KLHL24: variants seen among roughly 807,000 people sequenced by gnomAD.
The protein encoded by KLHL24 is kelch-like protein 24.
In KLHL24, 29 loss-of-function variants were observed where a neutral mutation model predicts 53.4. The observed-to-expected ratio is 0.54, with a 90% CI of 0.40 to 0.74. The LOEUF is 0.74. Among genes scored for constraint, KLHL24 ranks in the 30% least tolerant of loss-of-function variants. KLHL24 has a pLI of 0.00. For synonymous variants in KLHL24, 222 were observed against 253.7 expected (o/e 0.88, Z 1.19); for missense variants, 504 against 744.0 (o/e 0.68, Z 3.75).
intron 2 of KLHL24, among the ~76,000 whole-genome samples, chr3:183,645,264 C>A (rs1242221807): frequency 6.6e-6 from 1 of 152,140 alleles, no homozygotes; most frequent in Non-Finnish European, 1.5e-5. Flanking sequence ...GTTTCACCAA[C>A]AACAAAAAAT....
In KLHL24 at chr3:183,684,473, C is replaced by T. The variant is rs1339314970; in HGVS notation, c.*5187C>T. 2 of 152,298 alleles carry T rather than the reference C, an allele frequency of 1.3e-5. No homozygotes were observed. Among genetic ancestry groups the T allele is most frequent in the Non-Finnish European group, 2.9e-5 (2 of 67,974 alleles). The allele number at this position is 152,298 out of a possible 1,614,324, so 9.4% of individuals were successfully genotyped here. ...TGTATCTAATAAAATGTCTTTTAAC[C>T]ATTATTACTTGACTATATGGTTGTA... On this transcript the variant is annotated 3_prime_UTR_variant, in exon 8 of 8. Transcript: ENST00000242810.
rs1235360459 is a variant in KLHL24, at chr3:183,671,107, G to A, written c.1298G>A (p.Arg433Gln). ...GAATGTTATGATTCCTTTTCAAATC[G>A]ATGGACTGAAGTTGCTCCCCTTAAG... ...SVECYDSFSNRWTEVAPLKEA... is the reference protein window; with the variant it reads ...SVECYDSFSNQWTEVAPLKEA... The change falls in exon 6 of 8, where the codon CGA (arginine) becomes CAA (glutamine). Residue 433 changes from arginine to glutamine, a missense_variant. Physicochemically the swap from Arg to Gln is conservative, Grantham distance 43. Transcript: ENST00000242810. The A allele has an allele frequency of 2.5e-6, 4 of 1,613,998 alleles. No individual in the cohort carries two copies. Among genetic ancestry groups the A allele is most frequent in the Non-Finnish European group, 3.4e-6 (4 of 1,179,966 alleles).
At chr3:183,661,549 A>G (rs1404678064) in intron 3 of KLHL24, among the ~76,000 whole-genome samples, 1 of 152,236 alleles carries the variant, frequency 6.6e-6, no homozygotes, top group Non-Finnish European at 1.5e-5. Flanking sequence ...TAATACAGGC[A>G]AAACTACTAG....
intron 3 of KLHL24, among the ~76,000 whole-genome samples, chr3:183,659,923 G>A (rs1719471127): frequency 6.6e-6 from 1 of 152,140 alleles, no homozygotes; most frequent in Non-Finnish European, 1.5e-5. Context: ...GCTAGGTTGA[G>A]CAGATGCCCA....
chr3:183,660,763 G>A (rs992424347), intron 3 of KLHL24, among the ~76,000 whole-genome samples: 1 of 152,012 alleles, frequency 6.6e-6, no homozygotes, highest in Non-Finnish European at 1.5e-5. Flanking sequence ...TCCTCACCAA[G>A]TTTAAAAGAT....
chr3:183,674,215 C>G (rs760073011), intron 7 of KLHL24, among the ~76,000 whole-genome samples: 8 of 151,692 alleles, frequency 5.3e-5, no homozygotes, highest in Non-Finnish European at 7.4e-5. Flanking sequence ...TCTCTAATAG[C>G]TTGTCTTGCT....
chr3:183,660,486 G>C (rs1262654795), intron 3 of KLHL24, among the ~76,000 whole-genome samples: 1 of 151,908 alleles, frequency 6.6e-6, no homozygotes, highest in African/African-American at 2.4e-5. Flanking sequence ...TTAGTATATG[G>C]TGTCTTTCCA....
At chr3:183,655,493 G>A (rs1188690689) in intron 3 of KLHL24, among the ~76,000 whole-genome samples, 1 of 152,160 alleles carries the variant, frequency 6.6e-6, no homozygotes, top group East Asian at 1.9e-4. Flanking sequence ...GCTAGGCATT[G>A]TAGCATGTAC....
Position 183,684,108 on chromosome 3 carries a change from GT to G in KLHL24, c.*4823del, listed in dbSNP as rs1712956766. On this transcript the variant is annotated 3_prime_UTR_variant, in exon 8 of 8. Transcript: ENST00000242810. ...ATACTTATTTTTGTTCCATACTTAT[GT>G]ACAATTTTTTCCCTCTTCAGGCTTT... The G allele has an allele frequency of 2.6e-5, 4 of 151,084 alleles. No homozygotes were observed. The highest frequency in any genetic ancestry group is 5.9e-5 in the Non-Finnish European group (4 of 67,942). The allele number at this position is 151,084 out of a possible 1,614,324, so 9.4% of individuals were successfully genotyped here. A position where few individuals can be genotyped will look rare whatever the true frequency, so the allele number is the denominator to read the frequency against.
intron 1 of KLHL24, among the ~76,000 whole-genome samples, chr3:183,641,971 C>T (rs1354219591): frequency 2.0e-5 from 3 of 152,138 alleles, no homozygotes; most frequent in African/African-American, 4.8e-5. Context: ...ATGCTTTCTA[C>T]CCCATAAGGT....
rs185941624 is a variant in KLHL24, at chr3:183,664,707, T to A, written c.1106-214T>A. ...ATTATTTTGGATCTATAATTATCAC[T>A]TATCAAGATAACAATTGGTAAAGTT... On this transcript the variant is annotated intron_variant, in intron 4 of 7. Coordinates refer to ENST00000242810, the MANE Select transcript of KLHL24 (RefSeq NM_017644.3). 5.0e-3 allele frequency among the ~76,000 whole-genome samples: 762 copies of A among 152,324 alleles called. 23 individuals carry two copies. Among genetic ancestry groups the A allele is most frequent in the Non-Finnish European group, 1.3e-3 (90 of 68,036 alleles).
chr3:183,636,851 C>T (rs1209991745), intron 1 of KLHL24, among the ~76,000 whole-genome samples: 5 of 151,978 alleles, frequency 3.3e-5, no homozygotes, highest in Admixed American at 2.0e-4. Flanking sequence ...GCCCCTGCTG[C>T]GGGCGGCTGG....
At chr3:183,661,476 C>T (rs531796351) in intron 3 of KLHL24, among the ~76,000 whole-genome samples, 1 of 152,036 alleles carries the variant, frequency 6.6e-6, no homozygotes, top group Non-Finnish European at 1.5e-5. Flanking sequence ...GTTAACAGTC[C>T]GTGATGAGAA....
At chr3:183,639,499 G>C (rs1368651313) in intron 1 of KLHL24, among the ~76,000 whole-genome samples, 1 of 150,624 alleles carries the variant, frequency 6.6e-6, no homozygotes, top group Admixed American at 6.6e-5. Flanking sequence ...GCGTAGCGGC[G>C]GGCGCCTGTA....
chr3:183,645,831 C>T (rs916742354), intron 2 of KLHL24, among the ~76,000 whole-genome samples: 2 of 152,122 alleles, frequency 1.3e-5, no homozygotes, highest in African/African-American at 4.8e-5. Context: ...AACTAATTTT[C>T]CTAACTAAAT....
chr3:183,677,023 CTGAA>C (rs1176172013), intron 7 of KLHL24, among the ~76,000 whole-genome samples: 1 of 151,596 alleles, frequency 6.6e-6, no homozygotes, highest in Non-Finnish European at 1.5e-5. Flanking sequence ...GCCCTTACTC[CTGAA>C]TGAAGAGTAA....
chr3:183,641,489 A>AAAAG, intron 1 of KLHL24, among the ~76,000 whole-genome samples: 1 of 151,950 alleles, frequency 6.6e-6, no homozygotes, highest in African/African-American at 2.4e-5. Context: ...AAAAAAAAAA[A>AAAAG]AAAAAGATTT....
Position 183,656,782 on chromosome 3 carries a change from G to T in KLHL24, c.920+5506G>T, listed in dbSNP as rs552200591. 4.6e-5 allele frequency among the ~76,000 whole-genome samples: 7 copies of T among 152,038 alleles called. No homozygotes were observed. In the East Asian group the frequency reaches 1.4e-3, roughly 29 times the overall value. On this transcript the variant is annotated intron_variant, in intron 3 of 7. Coordinates refer to ENST00000242810, the MANE Select transcript of KLHL24 (RefSeq NM_017644.3). Reference sequence around the variant, plus strand: ...TTGTTTAACAATCTGATTCTGGGCCGGGCGCAGTGGCTCACGCCTGTAATC... The same window carrying T: ...TTGTTTAACAATCTGATTCTGGGCCTGGCGCAGTGGCTCACGCCTGTAATC...
intron 3 of KLHL24, among the ~76,000 whole-genome samples, chr3:183,660,800 G>C (rs1719633140): frequency 6.6e-6 from 1 of 152,036 alleles, no homozygotes; most frequent in Non-Finnish European, 1.5e-5. Context: ...GCTCACGCCT[G>C]TAATACCAGC....
Sources: allele counts gnomAD v4.1 joint callset (sites outside exome capture counted in the v4.1 genomes callset), GRCh38; gene constraint gnomAD v4.1.1; transcripts MANE v1.5; gene names NCBI Gene and HGNC (gene_info 2026-07-23, HGNC 2026-07-21).